CDH9: variants seen among roughly 807,000 people sequenced by gnomAD.
CDH9 encodes the protein cadherin-9.
A neutral mutation model predicts 70.9 loss-of-function variants in CDH9; 28 were observed. The observed-to-expected ratio is 0.40, with a 90% CI of 0.29 to 0.54. The LOEUF (loss-of-function observed/expected upper bound fraction) is 0.54. Among genes scored for constraint, CDH9 ranks in the 20% least tolerant of loss-of-function variants. The pLI, the probability that CDH9 is intolerant of heterozygous loss-of-function variation, is 0.59. For missense variants in CDH9, 874 were observed against 984.4 expected (o/e 0.89, Z 1.50); for synonymous variants, 409 against 343.1 (o/e 1.19, Z -2.12).
At chr5:26,937,097 A>G (rs1741572082) in intron 2 of CDH9, among the ~76,000 whole-genome samples, 1 of 152,122 alleles carries the variant, frequency 6.6e-6, no homozygotes, top group Non-Finnish European at 1.5e-5. Flanking sequence ...TATAAAGAAA[A>G]GCCACACACT....
intron 2 of CDH9, among the ~76,000 whole-genome samples, chr5:26,926,276 C>T (rs1741337077): frequency 8.1e-6 from 1 of 123,900 alleles, no homozygotes; most frequent in East Asian, 2.4e-4. Flanking sequence ...GCAAAAATCA[C>T]AAGCATTCTT....
At chr5:26,953,581 C>T (rs575530006) in intron 2 of CDH9, among the ~76,000 whole-genome samples, 2 of 152,166 alleles carry the variant, frequency 1.3e-5, no homozygotes, top group Non-Finnish European at 2.9e-5. Flanking sequence ...AAATGCCTGC[C>T]TTGCATTCCC....
chr5:26,982,444 A>G (rs957533243), intron 2 of CDH9, among the ~76,000 whole-genome samples: 5 of 152,296 alleles, frequency 3.3e-5, no homozygotes, highest in East Asian at 1.9e-4. Flanking sequence ...ATATATTTCT[A>G]TAAAATTTTC....
chr5:26,948,628 A>G (rs1050020863), intron 2 of CDH9, among the ~76,000 whole-genome samples: 1 of 152,196 alleles, frequency 6.6e-6, no homozygotes, highest in African/African-American at 2.4e-5. Flanking sequence ...AATGTGGCCT[A>G]CATGTATATA....
At chr5:27,030,101 T>C (rs925686949) in intron 1 of CDH9, among the ~76,000 whole-genome samples, 1 of 152,014 alleles carries the variant, frequency 6.6e-6, no homozygotes, top group Admixed American at 6.6e-5. Context: ...TGCAACTGTA[T>C]ACCTGCAGGA....
intron 2 of CDH9, among the ~76,000 whole-genome samples, chr5:26,954,130 A>T (rs1018732766): frequency 1.3e-5 from 2 of 152,068 alleles, no homozygotes; most frequent in Admixed American, 1.3e-4. Context: ...TTTACCATGT[A>T]TCTCAATGTA....
At chr5:26,949,794 G>A (rs1005111072) in intron 2 of CDH9, among the ~76,000 whole-genome samples, 14 of 152,142 alleles carry the variant, frequency 9.2e-5, no homozygotes, top group African/African-American at 3.4e-4. Context: ...TCTTTTGTAG[G>A]AGACTTCCCA....
At chr5:26,947,436 A>G (rs1469825636) in intron 2 of CDH9, among the ~76,000 whole-genome samples, 3 of 152,192 alleles carry the variant, frequency 2.0e-5, no homozygotes, top group Admixed American at 6.5e-5. Flanking sequence ...TGTGCATCCA[A>G]AACATACAGT....
chr5:26,917,916 T>C (rs577668982), intron 2 of CDH9, among the ~76,000 whole-genome samples: 2 of 152,332 alleles, frequency 1.3e-5, no homozygotes, highest in East Asian at 3.9e-4. Flanking sequence ...AAACCAGAGT[T>C]AGCATCATGC....
chr5:26,911,242 A>T (rs1245795568), intron 3 of CDH9, among the ~76,000 whole-genome samples: 2 of 152,144 alleles, frequency 1.3e-5, no homozygotes, highest in Admixed American at 1.3e-4. Flanking sequence ...CGTACATAGA[A>T]GTTGCTAATG....
At chr5:26,900,179 G>C (rs1430629789) in intron 7 of CDH9, among the ~76,000 whole-genome samples, 1 of 151,944 alleles carries the variant, frequency 6.6e-6, no homozygotes, top group South Asian at 2.1e-4. Context: ...GTAACTACTA[G>C]AGAAATAAAA....
At chr5:26,898,353 C>T (rs930583188) in intron 7 of CDH9, among the ~76,000 whole-genome samples, 1 of 152,036 alleles carries the variant, frequency 6.6e-6, no homozygotes, top group African/African-American at 2.4e-5. Flanking sequence ...CAAAAAAGAG[C>T]CCTTATAGCA....
intron 1 of CDH9, among the ~76,000 whole-genome samples, chr5:27,019,477 C>T (rs1743100563): frequency 6.6e-6 from 1 of 151,730 alleles, no homozygotes; most frequent in African/African-American, 2.4e-5. Context: ...TTGTTTCACT[C>T]TAGTCTATCA....
intron 7 of CDH9, among the ~76,000 whole-genome samples, chr5:26,895,752 T>G (rs1440337886): frequency 6.6e-6 from 1 of 151,978 alleles, no homozygotes; most frequent in Non-Finnish European, 1.5e-5. Context: ...ATGAACAGAT[T>G]TAATCGTGGA....
In CDH9 at chr5:26,881,379, A is replaced by G. The variant is rs144553568; in HGVS notation, c.2127T>C (p.Asn709=). Residue 709 remains asparagine, a synonymous_variant, in exon 12 of 12, where the codon AAT becomes AAC. Coordinates refer to ENST00000231021, the MANE Select transcript of CDH9 (RefSeq NM_016279.4). Reference sequence around the variant, plus strand: ...GATGGATAAAATCTTGTACATCAATATTTTCCCACAGAGGCACAGTCCTCC... The same window carrying G: ...GATGGATAAAATCTTGTACATCAATGTTTTCCCACAGAGGCACAGTCCTCC... ...QIRRTVPLWE[N]IDVQDFIHRR... The G allele has an allele frequency of 1.2e-6, 2 of 1,613,496 alleles. No individual in the cohort carries two copies. Among genetic ancestry groups the G allele is most frequent in the African/African-American group, 2.7e-5 (2 of 74,838 alleles).
intron 2 of CDH9, among the ~76,000 whole-genome samples, chr5:26,922,659 C>A (rs546040525): frequency 6.6e-6 from 1 of 151,950 alleles, no homozygotes; most frequent in East Asian, 1.9e-4. Flanking sequence ...AGGTACAAAA[C>A]TCACTAGCAA....
intron 1 of CDH9, among the ~76,000 whole-genome samples, chr5:26,998,648 T>A (rs374265647): frequency 6.6e-6 from 1 of 151,874 alleles, no homozygotes; most frequent in Non-Finnish European, 1.5e-5. Context: ...AGTTACTGGG[T>A]GCAGCACACC....
intron 2 of CDH9, among the ~76,000 whole-genome samples, chr5:26,952,380 C>T (rs1406509667): frequency 2.9e-5 from 4 of 136,642 alleles, no homozygotes; most frequent in Non-Finnish European, 6.2e-5. Flanking sequence ...TTTGGGAGGC[C>T]GAGGCGGGCA....
intron 2 of CDH9, among the ~76,000 whole-genome samples, chr5:26,917,137 CAG>C (rs1009682948): frequency 6.6e-6 from 1 of 151,814 alleles, no homozygotes; most frequent in Non-Finnish European, 1.5e-5. Context: ...TAATTGAAAA[CAG>C]TAATTGTTTT....
Sources: gnomAD v4.1 joint callset for allele counts (sites outside exome capture counted in the v4.1 genomes callset) on GRCh38, gnomAD v4.1.1 for gene constraint, MANE v1.5 for transcripts, NCBI Gene and HGNC (gene_info 2026-07-23, HGNC 2026-07-21) for gene names.